DYNC2I1: variants seen among roughly 807,000 people sequenced by gnomAD.
DYNC2I1 encodes the protein dynein 2 intermediate chain 1.
A neutral mutation model predicts 133.4 loss-of-function variants in DYNC2I1; 89 were observed. The observed-to-expected ratio is 0.67, with a 90% CI of 0.56 to 0.80. The LOEUF (loss-of-function observed/expected upper bound fraction) is 0.80, where lower values mean the gene tolerates loss of function less well. DYNC2I1 is among the 30% of genes least tolerant of loss of function. The pLI, the probability that DYNC2I1 is intolerant of heterozygous loss-of-function variation, is 0.00. For missense variants in DYNC2I1, 1,291 were observed against 1,314.5 expected, an observed-to-expected ratio of 0.98 and a Z score of 0.28; for synonymous variants, 504 against 484.3, an observed-to-expected ratio of 1.04 and a Z score of -0.54.
intron 8 of DYNC2I1, among the ~76,000 whole-genome samples, chr7:158,891,749 G>C (rs922806009): frequency 2.0e-5 from 3 of 152,172 alleles, no homozygotes; most frequent in Non-Finnish European, 2.9e-5. Flanking sequence ...AATCACAAAA[G>C]ACACGATCCA....
At chr7:158,855,282 A>C (rs1841157646), upstream of DYNC2I1, among the ~76,000 whole-genome samples, 1 of 152,168 alleles carries the variant, frequency 6.6e-6, no homozygotes, top group Admixed American at 6.5e-5. Flanking sequence ...AGATGAAATC[A>C]TAGGGAGTCA....
At chr7:158,866,749 G>T (rs949791378) in intron 1 of DYNC2I1, among the ~76,000 whole-genome samples, 1 of 152,034 alleles carries the variant, frequency 6.6e-6, no homozygotes, top group Non-Finnish European at 1.5e-5. Flanking sequence ...GCCGGGCGTG[G>T]TGGCGGGCGC....
chr7:158,954,125 C>A (rs556970931), intron 4 of DYNC2I1, among the ~76,000 whole-genome samples: 1 of 152,296 alleles, frequency 6.6e-6, no homozygotes, highest in African/African-American at 2.4e-5. Flanking sequence ...CCTGCACACA[C>A]GCTCCTGTCT....
At chr7:158,882,330 T>C (rs1844118701) in intron 5 of DYNC2I1, among the ~76,000 whole-genome samples, 1 of 151,430 alleles carries the variant, frequency 6.6e-6, no homozygotes, top group African/African-American at 2.4e-5. Flanking sequence ...ACACCTGGAG[T>C]CCTAGCTACT....
intron 5 of DYNC2I1, among the ~76,000 whole-genome samples, chr7:158,881,252 G>A (rs1032431403): frequency 6.6e-6 from 1 of 152,202 alleles, no homozygotes; most frequent in African/African-American, 2.4e-5. Flanking sequence ...ACTGTCTTCC[G>A]CAGCCCACGC....
At chr7:158,883,825 G>A (rs1437551948) in intron 5 of DYNC2I1, among the ~76,000 whole-genome samples, 3 of 148,058 alleles carry the variant, frequency 2.0e-5, no homozygotes, top group Non-Finnish European at 4.5e-5. Context: ...CACCACACCC[G>A]GCTAATTTTT....
At chr7:158,846,906 G>C in the DYNC2I1 span, among the ~76,000 whole-genome samples, 1 of 152,098 alleles carries the variant, frequency 6.6e-6, no homozygotes, top group African/African-American at 2.4e-5. Flanking sequence ...AAAATCTTTT[G>C]GATCTTCCTT....
Position 158,936,363 on chromosome 7 carries a change from T to C in DYNC2I1, c.2778+1814T>C, listed in dbSNP as rs558809703. ...TCAATTGTGAAGATAAGACAGTTCC[T>C]GGGGCCACAGAGAGTAGAAAAGCTC... On this transcript the variant is annotated intron_variant, in intron 23 of 24. Transcript: ENST00000407559. Among the ~76,000 whole-genome samples the C allele has an allele frequency of 2.0e-5, 3 of 152,252 alleles. No individual in the cohort carries two copies. In the East Asian group the frequency reaches 5.8e-4, roughly 29 times the overall value.
At chr7:158,847,717 G>A in the DYNC2I1 span, among the ~76,000 whole-genome samples, 1 of 152,162 alleles carries the variant, frequency 6.6e-6, no homozygotes, top group African/African-American at 2.4e-5. Flanking sequence ...TTAACACTGG[G>A]CCATGCTCCA....
chr7:158,857,014 G>A (rs1018261033), intron 1 of DYNC2I1, among the ~76,000 whole-genome samples: 3 of 152,078 alleles, frequency 2.0e-5, no homozygotes, highest in African/African-American at 7.2e-5. Flanking sequence ...TCGCCGCCGC[G>A]GCCCGTCTCC....
upstream of DYNC2I1, among the ~76,000 whole-genome samples, chr7:158,855,057 G>C (rs1841144672): frequency 6.6e-6 from 1 of 152,246 alleles, no homozygotes; most frequent in Admixed American, 6.5e-5. Context: ...AACCACCCAA[G>C]GGGTTCACCT....
At chr7:158,866,428 C>T (rs1842411580) in intron 1 of DYNC2I1, among the ~76,000 whole-genome samples, 1 of 151,804 alleles carries the variant, frequency 6.6e-6, no homozygotes, top group Non-Finnish European at 1.5e-5. Flanking sequence ...CCTTGGTGTC[C>T]TGGGCGTCCC....
At chr7:158,878,387 A>G (rs1305576737) in intron 4 of DYNC2I1, among the ~76,000 whole-genome samples, 310 of 30,924 alleles carry the variant, frequency 0.01, no homozygotes, top group South Asian at 0.018. Flanking sequence ...CCGACTGTGA[A>G]TGCCGGGTGC....
At chr7:158,866,730 C>T (rs991026891) in intron 1 of DYNC2I1, among the ~76,000 whole-genome samples, 12 of 151,240 alleles carry the variant, frequency 7.9e-5, no homozygotes, top group Admixed American at 4.6e-4. Context: ...ACTAAAATTA[C>T]GAAACTTAGC....
At chr7:158,952,438 T>C (rs971959180) in intron 4 of DYNC2I1, among the ~76,000 whole-genome samples, 19 of 152,196 alleles carry the variant, frequency 1.2e-4, no homozygotes, top group Non-Finnish European at 2.6e-4. Context: ...AGGTCTGGGT[T>C]AGAGAAGGCC....
intron 4 of DYNC2I1, 48 bp from the exon 5 acceptor site, chr7:158,879,636 C>G: frequency 6.6e-7 from 1 of 1,513,174 alleles, no homozygotes; most frequent in South Asian, 1.4e-5. Context: ...GCTGGCTGCA[C>G]TCCTATTTGA....
At chr7:158,884,526 C>T in intron 5 of DYNC2I1, 38 bp from the exon 6 acceptor site, 3 of 1,588,776 alleles carry the variant, frequency 1.9e-6, no homozygotes, top group Non-Finnish European at 2.6e-6. Context: ...TTCCGATATG[C>T]TAATAAATGG....
intron 15 of DYNC2I1, among the ~76,000 whole-genome samples, chr7:158,920,313 A>C (rs1243637049): frequency 1.0e-5 from 1 of 96,668 alleles, no homozygotes; most frequent in African/African-American, 4.0e-5. Flanking sequence ...GTGTGTGTGC[A>C]TACTGCAGCG....
upstream of DYNC2I1, chr7:158,856,540 G>A (rs969982355): frequency 1.5e-5 from 7 of 474,298 alleles, no homozygotes; most frequent in Middle Eastern, 5.7e-4. Context: ...AAAAATGCCG[G>A]GGATGCGCAG....
Sources: allele counts gnomAD v4.1 joint callset (sites outside exome capture counted in the v4.1 genomes callset), GRCh38; gene constraint gnomAD v4.1.1; transcripts MANE v1.5; gene names NCBI Gene and HGNC (gene_info 2026-07-23, HGNC 2026-07-21).